SOCS2: variants seen among roughly 807,000 people sequenced by gnomAD.
The protein encoded by SOCS2 is suppressor of cytokine signaling 2.
SOCS2 carries 10 observed loss-of-function variants against 18.6 expected under a neutral mutation model. The ratio of observed to expected loss-of-function variants is 0.54; its 90% confidence interval spans 0.33 to 0.91. The LOEUF (loss-of-function observed/expected upper bound fraction) is 0.91. Ranked by LOEUF, SOCS2 falls within the 40% of genes least tolerant of loss-of-function variation. The pLI, the probability that SOCS2 is intolerant of heterozygous loss-of-function variation, is 0.02. For synonymous variants in SOCS2, 104 were observed against 104.0 expected, an observed-to-expected ratio of 1.00 and a Z score of 0.00; for missense variants, 231 against 247.2, an observed-to-expected ratio of 0.93 and a Z score of 0.44.
the SOCS2 span, among the ~76,000 whole-genome samples, chr12:93,599,710 G>A: frequency 3.3e-5 from 5 of 152,146 alleles, no homozygotes; most frequent in South Asian, 2.1e-4. Context: ...TAATGAGAGC[G>A]AGTTTATTAT....
At chr12:93,597,915 G>C in the SOCS2 span, among the ~76,000 whole-genome samples, 1 of 152,140 alleles carries the variant, frequency 6.6e-6, no homozygotes, top group East Asian at 1.9e-4. Flanking sequence ...ACACTATGTA[G>C]TTTAGCTTTG....
Position 93,575,396 on chromosome 12 carries a change from T to G in SOCS2, c.*217T>G, listed in dbSNP as rs1261642494. 8.9e-6 allele frequency: 3 copies of G among 338,974 alleles called. No individual in the cohort carries two copies. Among genetic ancestry groups the G allele is most frequent in the Non-Finnish European group, 1.6e-5 (3 of 186,564 alleles). 21.0% of individuals were successfully genotyped at this position (338,974 alleles called of 1,614,324 possible). A position where few individuals can be genotyped will look rare whatever the true frequency, so the allele number is the denominator to read the frequency against. ...TGAGTGATGCTTCCCTTCCTAAGGC[T>G]GACCAAGACCTGTTGATCCTTTTAG... On this transcript the variant is annotated 3_prime_UTR_variant, in exon 2 of 2. Transcript: ENST00000551556.
chr12:93,596,818 A>G, the SOCS2 span, among the ~76,000 whole-genome samples: 1 of 152,038 alleles, frequency 6.6e-6, no homozygotes, highest in Non-Finnish European at 1.5e-5. Flanking sequence ...ACGGAGCAAG[A>G]CCCTGTCTCA....
the SOCS2 span, among the ~76,000 whole-genome samples, chr12:93,617,888 C>T: frequency 6.6e-6 from 1 of 152,154 alleles, no homozygotes; most frequent in Non-Finnish European, 1.5e-5. Flanking sequence ...ACCCTCCACT[C>T]TTGCCTGATG....
Position 93,572,801 on chromosome 12 carries a change from C to T in SOCS2, c.-97C>T, listed in dbSNP as rs951231453. On this transcript the variant is annotated 5_prime_UTR_variant, in exon 1 of 2. Transcript: ENST00000551556. This position sits in a 1 kb window ranked among gnomAD's most constrained non-coding sequence, Gnocchi z 5.0. Reference sequence around the variant, plus strand: ...CCATTTCGGACACCCCGCAGGGACTCGTTTTGGGATTCGCACTGACTTCAA... The same window carrying T: ...CCATTTCGGACACCCCGCAGGGACTTGTTTTGGGATTCGCACTGACTTCAA... 5 of 1,481,332 alleles carry T rather than the reference C, an allele frequency of 3.4e-6. No individual in the cohort carries two copies. The highest frequency in any genetic ancestry group is 2.5e-5 in the East Asian group (1 of 40,580). The allele number at this position is 1,481,332 out of a possible 1,614,324, so 91.8% of individuals were successfully genotyped here.
At chr12:93,601,588 C>T in the SOCS2 span, among the ~76,000 whole-genome samples, 2 of 152,114 alleles carry the variant, frequency 1.3e-5, no homozygotes, top group Non-Finnish European at 2.9e-5. Context: ...GGATTACAGG[C>T]GAGAGCCACA....
the SOCS2 span, among the ~76,000 whole-genome samples, chr12:93,589,288 T>C: frequency 3.3e-5 from 5 of 152,250 alleles, no homozygotes; most frequent in Non-Finnish European, 5.9e-5. Flanking sequence ...TTTCCTGTTT[T>C]GAGGTCACCA....
At chr12:93,601,883 C>T in the SOCS2 span, among the ~76,000 whole-genome samples, 2 of 151,990 alleles carry the variant, frequency 1.3e-5, no homozygotes, top group Non-Finnish European at 2.9e-5. Flanking sequence ...AGAAAATTTT[C>T]ACATAAACTT....
chr12:93,614,600 T>C, the SOCS2 span, among the ~76,000 whole-genome samples: 23 of 120,358 alleles, frequency 1.9e-4, no homozygotes, highest in African/African-American at 7.5e-4. Flanking sequence ...TCTTTCTTTC[T>C]TTCTTTCTTT....
chr12:93,598,678 T>C, the SOCS2 span, among the ~76,000 whole-genome samples: 1 of 152,230 alleles, frequency 6.6e-6, no homozygotes, highest in Non-Finnish European at 1.5e-5. Flanking sequence ...TTCATTGCTA[T>C]GTATATTCCA....
upstream of SOCS2, chr12:93,572,156 A>T (rs955064980): frequency 2.4e-5 from 4 of 167,066 alleles, no homozygotes; most frequent in African/African-American, 9.7e-5. This position sits in a 1 kb window ranked among gnomAD's most constrained non-coding sequence, Gnocchi z 5.0. Flanking sequence ...CCGGGCGGAG[A>T]TGCGGCAGCT....
chr12:93,598,460 T>C, the SOCS2 span, among the ~76,000 whole-genome samples: 8 of 152,220 alleles, frequency 5.3e-5, no homozygotes, highest in South Asian at 2.1e-4. Context: ...ATAGTTATGA[T>C]ATAGGGGATG....
the SOCS2 span, among the ~76,000 whole-genome samples, chr12:93,610,737 CA>C: frequency 6.6e-6 from 1 of 152,096 alleles, no homozygotes; most frequent in African/African-American, 2.4e-5. Flanking sequence ...GCCCTTCCAC[CA>C]TGTAAGAACA....
chr12:93,614,362 CTTCTTTCTTTCT>C, the SOCS2 span, among the ~76,000 whole-genome samples: 7,902 of 79,002 alleles, frequency 0.1, 646 homozygotes, highest in South Asian at 0.15. Context: ...AGCAATTTTC[CTTCTTTCTTTCT>C]TTCTTTCTTT....
chr12:93,572,432 C>G (rs1954288756), upstream of SOCS2: 1 of 348,686 alleles, frequency 2.9e-6, no homozygotes, highest in Non-Finnish European at 5.6e-6. This position sits in a 1 kb window ranked among gnomAD's most constrained non-coding sequence, Gnocchi z 5.0. Context: ...TGACCCTGGG[C>G]GGGAAGACAC....
the SOCS2 span, among the ~76,000 whole-genome samples, chr12:93,594,713 C>T: frequency 6.6e-6 from 1 of 151,954 alleles, no homozygotes; most frequent in South Asian, 2.1e-4. Context: ...ATGTTTGACC[C>T]ACATTACTAG....
the SOCS2 span, among the ~76,000 whole-genome samples, chr12:93,622,514 G>C: frequency 6.6e-6 from 1 of 152,118 alleles, no homozygotes; most frequent in South Asian, 2.1e-4. Context: ...GCAGATACAC[G>C]ACCAGTGAAG....
chr12:93,590,934 GTAA>G, the SOCS2 span, among the ~76,000 whole-genome samples: 3 of 151,466 alleles, frequency 2.0e-5, no homozygotes, highest in African/African-American at 7.3e-5. Context: ...TGATTACCTG[GTAA>G]TATGATGAGT....
chr12:93,579,404 T>C (rs1954507722), downstream of SOCS2, among the ~76,000 whole-genome samples: 1 of 152,238 alleles, frequency 6.6e-6, no homozygotes, highest in African/African-American at 2.4e-5. Context: ...TCCATTCAGG[T>C]TGTGAAGCAA....
Sources: allele counts gnomAD v4.1 joint callset (sites outside exome capture counted in the v4.1 genomes callset), GRCh38; gene constraint gnomAD v4.1.1; non-coding constraint Gnocchi (gnomAD v3.1); transcripts MANE v1.5; gene names NCBI Gene and HGNC (gene_info 2026-07-23, HGNC 2026-07-21).